Variants in TNN observed in about 807,000 individuals in gnomAD.
TNN encodes the protein tenascin N.
A neutral mutation model predicts 134.4 loss-of-function variants in TNN; 122 were observed. That is an observed-to-expected ratio of 0.91 (90% CI 0.78 to 1.06). The LOEUF (loss-of-function observed/expected upper bound fraction) is 1.06. Among genes scored for constraint, TNN ranks in the 50% least tolerant of loss-of-function variants. The pLI is 0.00. For synonymous variants in TNN, 710 were observed against 670.3 expected (o/e 1.06, Z -0.91); for missense variants, 1,739 against 1,699.4 (o/e 1.02, Z -0.41).
intron 7 of TNN, 112 bp from the exon 8 acceptor site, chr1:175,097,305 A>G: frequency 7.4e-7 from 1 of 1,352,556 alleles, no homozygotes; most frequent in South Asian, 1.4e-5. Context: ...AATCATTGAC[A>G]TATTAGAGAC....
intron 9 of TNN, among the ~76,000 whole-genome samples, chr1:175,116,531 A>G (rs1431297064): frequency 1.3e-5 from 2 of 152,202 alleles, no homozygotes; most frequent in Non-Finnish European, 2.9e-5. Context: ...AATGAACCTT[A>G]AAAGTTTATC....
intron 1 of TNN, among the ~76,000 whole-genome samples, chr1:175,074,281 G>A (rs940192623): frequency 2.0e-5 from 3 of 151,992 alleles, no homozygotes; most frequent in African/African-American, 2.4e-5. Context: ...CCAGGAATTC[G>A]AGACCAGGTT....
intron 15 of TNN, among the ~76,000 whole-genome samples, chr1:175,133,836 A>G (rs1312940909): frequency 6.6e-6 from 1 of 152,198 alleles, no homozygotes; most frequent in Admixed American, 6.5e-5. Flanking sequence ...GCAGCCAGAT[A>G]TAAGTGTGAC....
intron 9 of TNN, among the ~76,000 whole-genome samples, chr1:175,109,447 C>A (rs1166409576): frequency 1.3e-5 from 2 of 152,018 alleles, no homozygotes; most frequent in Non-Finnish European, 2.9e-5. Flanking sequence ...TACTCCTACA[C>A]TTCCTAGCCT....
intron 9 of TNN, among the ~76,000 whole-genome samples, chr1:175,108,436 C>T (rs915275986): frequency 1.3e-5 from 2 of 152,252 alleles, no homozygotes; most frequent in African/African-American, 4.8e-5. Context: ...GAGCTGCCTG[C>T]CAGTCCCATG....
chr1:175,135,970 G>T, intron 16 of TNN, 29 bp downstream of exon 16: 1 of 1,521,902 alleles, frequency 6.6e-7, no homozygotes, highest in Non-Finnish European at 9.1e-7. Context: ...GGAGGCTGGG[G>T]CTGTGGGGGG....
At chr1:175,076,503 A>G (rs746919987) in intron 1 of TNN, among the ~76,000 whole-genome samples, 71 of 152,358 alleles carry the variant, frequency 4.7e-4, no homozygotes, top group Non-Finnish European at 5.0e-4. Context: ...GGACAGGTCC[A>G]TTTCTCTGAA....
intron 9 of TNN, among the ~76,000 whole-genome samples, chr1:175,099,472 T>G: frequency 1.4e-5 from 2 of 140,004 alleles, no homozygotes; most frequent in Admixed American, 7.2e-5. Context: ...AGGTGAGGGG[T>G]CAGGAAGAGG....
chr1:175,080,553 G>A lies in TNN; in HGVS notation c.1048+127G>A. On this transcript the variant is annotated intron_variant, in intron 4 of 18. Coordinates refer to ENST00000239462, the MANE Select transcript of TNN (RefSeq NM_022093.2). ...GAAAAACACACCTGCCACAATCCTA[G>A]GTTCTGAAGAGTCCCAGTTCTCTCT... 3.4e-6 allele frequency: 4 copies of A among 1,181,266 alleles called. No homozygotes were observed. In the South Asian group the frequency reaches 5.9e-5, roughly 18 times the overall value. The allele number at this position is 1,181,266 out of a possible 1,614,324, so 73.2% of individuals were successfully genotyped here.
chr1:175,122,527 G>T (rs1351776118), intron 11 of TNN, among the ~76,000 whole-genome samples: 2 of 89,738 alleles, frequency 2.2e-5, no homozygotes, highest in Non-Finnish European at 4.9e-5. Flanking sequence ...GGAAGCCAAG[G>T]GTTGAGAGTG....
At chr1:175,129,714 A>C (rs1423334762) in intron 15 of TNN, among the ~76,000 whole-genome samples, 2 of 152,116 alleles carry the variant, frequency 1.3e-5, no homozygotes, top group African/African-American at 4.8e-5. Flanking sequence ...TACAAGAATG[A>C]CAAAGCTGGG....
chr1:175,138,669 C>A (rs552521146), intron 17 of TNN, among the ~76,000 whole-genome samples: 1 of 152,254 alleles, frequency 6.6e-6, no homozygotes, highest in African/African-American at 2.4e-5. Context: ...CACTTCTTTC[C>A]TAAGTAGTCC....
chr1:175,128,233 G>A, intron 14 of TNN, 69 bp downstream of exon 14: 1 of 1,406,816 alleles, frequency 7.1e-7, no homozygotes, highest in Non-Finnish European at 9.7e-7. Flanking sequence ...TAGCAAAGGA[G>A]TCCAGGGAGG....
Position 175,085,460 on chromosome 1 carries a change from G to A in TNN, c.1290G>A (p.Leu430=). ...KITVVPMRGE[L]EGKPILLNGR... ...CGGTGGTGCCCATGAGAGGAGAGCT[G>A]GAGGGCAAGCCGATCCTCCTGAATG... Residue 430 remains leucine (L), a synonymous_variant, in exon 6 of 19, where the codon CTG becomes CTA. Transcript: ENST00000239462. 6.2e-7 allele frequency: 1 copy of A among 1,613,160 alleles called. No individual in the cohort carries two copies. Among genetic ancestry groups the A allele is most frequent in the Non-Finnish European group, 8.5e-7 (1 of 1,179,492 alleles).
intron 9 of TNN, among the ~76,000 whole-genome samples, chr1:175,100,650 CTTTGGGAAAACGGCT>C: frequency 6.6e-6 from 1 of 152,016 alleles, no homozygotes; most frequent in East Asian, 1.9e-4. Context: ...GAGCAAGTGA[CTTTGGGAAAACGGCT>C]TTTGCAATGA....
intron 6 of TNN, among the ~76,000 whole-genome samples, chr1:175,087,266 G>A (rs1286568772): frequency 3.3e-5 from 5 of 152,220 alleles, no homozygotes; most frequent in African/African-American, 9.6e-5. Flanking sequence ...GGAAAAGTGG[G>A]CTGAAGAGGA....
At chr1:175,102,403 G>A (rs1205075035) in intron 9 of TNN, among the ~76,000 whole-genome samples, 4 of 146,262 alleles carry the variant, frequency 2.7e-5, no homozygotes, top group African/African-American at 9.8e-5. Flanking sequence ...AGAGGTTGGG[G>A]AAGGCTTAGG....
At chr1:175,134,992 T>A (rs941950324) in intron 15 of TNN, among the ~76,000 whole-genome samples, 1 of 152,184 alleles carries the variant, frequency 6.6e-6, no homozygotes. Flanking sequence ...TCACCAGGAC[T>A]GACTCTTGCC....
chr1:175,135,304 A>C (rs1390965319), intron 15 of TNN, among the ~76,000 whole-genome samples: 1 of 152,232 alleles, frequency 6.6e-6, no homozygotes, highest in Non-Finnish European at 1.5e-5. Flanking sequence ...TTTGCACACT[A>C]TCTTGCATAT....
Sources: allele counts gnomAD v4.1 joint callset (sites outside exome capture counted in the v4.1 genomes callset), GRCh38; gene constraint gnomAD v4.1.1; transcripts MANE v1.5; gene names NCBI Gene and HGNC (gene_info 2026-07-23, HGNC 2026-07-21).